The following DTL variants were observed in gnomAD, a reference collection of about 807,000 sequenced individuals.
DTL encodes the protein denticleless protein homolog.
A neutral mutation model predicts 87.0 loss-of-function variants in DTL; 46 were observed. That is an observed-to-expected ratio of 0.53 (90% CI 0.42 to 0.68). The LOEUF (loss-of-function observed/expected upper bound fraction) is 0.68, where lower values mean the gene tolerates loss of function less well. DTL is among the 30% of genes least tolerant of loss of function. The pLI is 0.00. For missense variants in DTL, 737 were observed against 869.4 expected (o/e 0.85, Z 1.91); for synonymous variants, 308 against 311.2 (o/e 0.99, Z 0.11).
intron 14 of DTL, 99 bp downstream of exon 14, chr1:212,101,183 G>T (rs12740486): frequency 7.8e-6 from 7 of 899,448 alleles, no homozygotes; most frequent in Non-Finnish European, 9.6e-6. Flanking sequence ...TTTAAAGAAA[G>T]AAATCTATTT....
intron 13 of DTL, among the ~76,000 whole-genome samples, chr1:212,081,916 C>A (rs6690787): frequency 0.92 from 140,048 of 152,262 alleles, 64,860 homozygotes; most frequent in East Asian, 1. Context: ...GGAGGCATTT[C>A]GATGTTTAAT....
intron 11 of DTL, among the ~76,000 whole-genome samples, chr1:212,073,199 A>T (rs868112306): frequency 1.3e-5 from 2 of 152,230 alleles, no homozygotes; most frequent in Non-Finnish European, 2.9e-5. Flanking sequence ...CTTGCTTATT[A>T]CTGAAAAATG....
intron 14 of DTL, 131 bp from the exon 15 acceptor site, chr1:212,102,711 A>C: frequency 3.3e-6 from 2 of 614,032 alleles, no homozygotes; most frequent in Admixed American, 3.0e-5. Flanking sequence ...ATTGCCATTG[A>C]AAGTATTTGG....
intron 12 of DTL, chr1:212,080,373 CAA>C: frequency 6.2e-6 from 2 of 321,260 alleles, no homozygotes; most frequent in East Asian, 1.1e-4. Context: ...TGACCAGTAA[CAA>C]AAGACATACT....
intron 14 of DTL, 53 bp downstream of exon 14, chr1:212,101,137 ACCCAGATGTCTC>A: frequency 8.2e-7 from 1 of 1,222,818 alleles, no homozygotes; most frequent in Non-Finnish European, 1.1e-6. Flanking sequence ...GGGGCCAGAC[ACCCAGATGTCTC>A]AAGTCAGGAT....
chr1:212,056,289 C>T (rs542752359), intron 5 of DTL, among the ~76,000 whole-genome samples: 2 of 152,218 alleles, frequency 1.3e-5, no homozygotes, highest in African/African-American at 4.8e-5. Context: ...ACCACTGGGG[C>T]CTGAAGACTG....
At chr1:212,036,498 G>A (rs888102644) in intron 1 of DTL, among the ~76,000 whole-genome samples, 1 of 152,142 alleles carries the variant, frequency 6.6e-6, no homozygotes, top group Non-Finnish European at 1.5e-5. Flanking sequence ...AAAGATGCCT[G>A]TAACCACATC....
At chr1:212,075,159 A>T (rs1380339042) in intron 11 of DTL, among the ~76,000 whole-genome samples, 1 of 152,180 alleles carries the variant, frequency 6.6e-6, no homozygotes, top group Non-Finnish European at 1.5e-5. Flanking sequence ...TTGGTTTCCA[A>T]CTGGGCAGAG....
chr1:212,036,296 C>T (rs1490785320), intron 1 of DTL, among the ~76,000 whole-genome samples: 1 of 152,150 alleles, frequency 6.6e-6, no homozygotes, highest in Non-Finnish European at 1.5e-5. Flanking sequence ...AACTCCTAAT[C>T]ATTGATTAAT....
At chr1:212,071,129 C>T (rs1458294631) in intron 10 of DTL, among the ~76,000 whole-genome samples, 1 of 152,174 alleles carries the variant, frequency 6.6e-6, no homozygotes, top group Non-Finnish European at 1.5e-5. Context: ...GCCTGCATAG[C>T]TTTTTCCTTT....
intron 13 of DTL, among the ~76,000 whole-genome samples, chr1:212,099,085 AG>A (rs1477656852): frequency 6.6e-6 from 1 of 152,156 alleles, no homozygotes; most frequent in African/African-American, 2.4e-5. Flanking sequence ...GAGTGCCTAC[AG>A]GGCTCTTCCT....
At chr1:212,090,255 T>A (rs890402529) in intron 13 of DTL, among the ~76,000 whole-genome samples, 1 of 152,154 alleles carries the variant, frequency 6.6e-6, no homozygotes, top group Admixed American at 6.5e-5. Flanking sequence ...TTTGTAGAAT[T>A]TCTCTCTCTC....
At chr1:212,098,903 C>G (rs543403659) in intron 13 of DTL, among the ~76,000 whole-genome samples, 15 of 152,212 alleles carry the variant, frequency 9.9e-5, no homozygotes, top group African/African-American at 3.6e-4. Context: ...TCTGCACTTC[C>G]TATTTGTCCC....
intron 10 of DTL, among the ~76,000 whole-genome samples, chr1:212,069,676 G>A (rs1363000107): frequency 6.6e-6 from 1 of 151,900 alleles, no homozygotes; most frequent in Non-Finnish European, 1.5e-5. Flanking sequence ...CTCCCAAGTA[G>A]CTGGGATTAC....
chr1:212,053,632 G>C (rs543234280), intron 5 of DTL, among the ~76,000 whole-genome samples: 2 of 152,202 alleles, frequency 1.3e-5, no homozygotes, highest in African/African-American at 4.8e-5. Flanking sequence ...CTGTCACCCA[G>C]TTTGGAGTGC....
intron 13 of DTL, among the ~76,000 whole-genome samples, chr1:212,092,206 T>C (rs1001386693): frequency 6.6e-6 from 1 of 152,206 alleles, no homozygotes; most frequent in Non-Finnish European, 1.5e-5. Flanking sequence ...GAACATACGA[T>C]GTTTGGTTCC....
chr1:212,076,612 A>G (rs1018388523), intron 11 of DTL, among the ~76,000 whole-genome samples: 1 of 152,154 alleles, frequency 6.6e-6, no homozygotes, highest in Non-Finnish European at 1.5e-5. Context: ...ATGTATTTCT[A>G]CCAGGGATGC....
rs551746376 is a variant in DTL, at chr1:212,035,823, C to A, written c.-68C>A. ...TTTGTGTTGTGAGAGGCGCAAGCTG[C>A]GATTTCTGCTGAACTTGGAGGCATT... On this transcript the variant is annotated 5_prime_UTR_variant, in exon 1 of 15. Transcript: ENST00000366991. 1.3e-5 allele frequency: 20 copies of A among 1,500,586 alleles called. No individual in the cohort carries two copies. The African/African-American group carries it at 1.7e-4, about 12-fold the overall frequency. The allele number at this position is 1,500,586 out of a possible 1,614,324, so 93.0% of individuals were successfully genotyped here. A position where few individuals can be genotyped will look rare whatever the true frequency, so the allele number is the denominator to read the frequency against.
intron 3 of DTL, among the ~76,000 whole-genome samples, chr1:212,045,215 G>A (rs1314159960): frequency 6.6e-6 from 1 of 152,114 alleles, no homozygotes; most frequent in Non-Finnish European, 1.5e-5. Flanking sequence ...ATGAGATTTG[G>A]GAAGGGACAA....
Sources: gnomAD v4.1 joint callset for allele counts (sites outside exome capture counted in the v4.1 genomes callset) on GRCh38, gnomAD v4.1.1 for gene constraint, MANE v1.5 for transcripts, NCBI Gene and HGNC (gene_info 2026-07-23, HGNC 2026-07-21) for gene names.